CCR3: variants seen among roughly 807,000 people sequenced by gnomAD.
CCR3 encodes the protein C-C motif chemokine receptor 3.
For missense variants in CCR3, 419 were observed against 437.5 expected (o/e 0.96, Z 0.38); for synonymous variants, 203 against 179.2 (o/e 1.13, Z -1.06).
At chr3:46,240,092 G>C (rs914357051), upstream of CCR3, among the ~76,000 whole-genome samples, 2 of 152,132 alleles carry the variant, frequency 1.3e-5, no homozygotes, top group African/African-American at 4.8e-5. Flanking sequence ...TTGACCGCCT[G>C]TTGGCATGTC....
intron 2 of CCR3, among the ~76,000 whole-genome samples, chr3:46,228,413 T>C (rs1699927843): frequency 6.6e-6 from 1 of 152,204 alleles, no homozygotes; most frequent in South Asian, 2.1e-4. Context: ...ACTTTCCCTA[T>C]CTCTTAGTGC....
intron 1 of CCR3, among the ~76,000 whole-genome samples, chr3:46,263,174 C>A (rs1017426068): frequency 6.6e-6 from 1 of 152,192 alleles, no homozygotes; most frequent in Non-Finnish European, 1.5e-5. Flanking sequence ...TCAAACTGAG[C>A]AAAACTTAAG....
At chr3:46,231,777 T>C (rs1293531177) in intron 2 of CCR3, among the ~76,000 whole-genome samples, 1 of 152,202 alleles carries the variant, frequency 6.6e-6, no homozygotes, top group Admixed American at 6.5e-5. Context: ...TTTTTGTATA[T>C]TATACTTCAA....
chr3:46,221,007 A>G (rs1475027041), intron 2 of CCR3, among the ~76,000 whole-genome samples: 1 of 152,238 alleles, frequency 6.6e-6, no homozygotes, highest in African/African-American at 2.4e-5. Context: ...TTGAAATAAT[A>G]AAATAAAATG....
At chr3:46,211,264 T>C (rs1293960911) in intron 2 of CCR3, among the ~76,000 whole-genome samples, 1 of 150,138 alleles carries the variant, frequency 6.7e-6, no homozygotes, top group Non-Finnish European at 1.5e-5. Context: ...AGTAGCATGA[T>C]CATGGCTCAC....
At position 46,266,136 on chromosome 3, in the gene CCR3, A is replaced by G. The variant is rs776775747; in HGVS notation, c.978A>G (p.Arg326=). 6.2e-6 allele frequency: 10 copies of G among 1,614,086 alleles called. No individual in the cohort carries two copies. The highest frequency in any genetic ancestry group is 2.2e-5 in the East Asian group (1 of 44,870). ...GGCACTTGCTCATGCACCTGGGCAG[A>G]TACATCCCATTCCTTCCTAGTGAGA... The part of the protein sequence containing the change: ...FHRHLLMHLG[R]YIPFLPSEKL... Residue 326 remains arginine (R), a synonymous_variant, in exon 2 of 2, where the codon AGA becomes AGG. Coordinates refer to ENST00000395940, the MANE Select transcript of CCR3 (RefSeq NM_178329.3).
intron 1 of CCR3, among the ~76,000 whole-genome samples, chr3:46,243,417 T>A (rs975428213): frequency 1.3e-5 from 2 of 152,242 alleles, no homozygotes; most frequent in Admixed American, 1.3e-4. Context: ...GAAATATATA[T>A]ATTTATTTGA....
At chr3:46,234,336 G>C (rs537798086) in intron 2 of CCR3, among the ~76,000 whole-genome samples, 2 of 152,160 alleles carry the variant, frequency 1.3e-5, no homozygotes, top group South Asian at 2.1e-4. Flanking sequence ...TTTAATCAAT[G>C]GGTAGTTCAT....
intron 1 of CCR3, among the ~76,000 whole-genome samples, 176 bp from the exon 2 acceptor site, chr3:46,264,972 T>C (rs1294996379): frequency 3.3e-5 from 5 of 152,196 alleles, no homozygotes; most frequent in Non-Finnish European, 7.3e-5. Context: ...AGCTCTTTCC[T>C]TCCTCAATCC....
At chr3:46,244,070 G>T (rs917745954) in intron 1 of CCR3, among the ~76,000 whole-genome samples, 1 of 152,150 alleles carries the variant, frequency 6.6e-6, no homozygotes. Context: ...TTGACAAAAT[G>T]CATCAAGAGA....
At chr3:46,246,953 G>A (rs1017864610) in intron 1 of CCR3, among the ~76,000 whole-genome samples, 18 of 151,984 alleles carry the variant, frequency 1.2e-4, no homozygotes, top group African/African-American at 3.6e-4. Flanking sequence ...AACATTTGTC[G>A]TATAGAATGA....
intron 2 of CCR3, among the ~76,000 whole-genome samples, chr3:46,214,099 A>C (rs571591980): frequency 6.6e-6 from 1 of 152,310 alleles, no homozygotes; most frequent in African/African-American, 2.4e-5. Context: ...AAGCATCCTT[A>C]ATGCCCATCA....
chr3:46,218,853 C>T lies in CCR3; in HGVS notation c.-68+7946C>T, dbSNP rs577834924. Reference sequence around the variant, plus strand: ...ATAAGGTAATCAAAGCCGTCTATGACAACCCCACAGCTAACATTATACTGA... The same window carrying T: ...ATAAGGTAATCAAAGCCGTCTATGATAACCCCACAGCTAACATTATACTGA... On this transcript the variant is annotated intron_variant, in intron 2 of 3. Transcript: ENST00000357422. Among the ~76,000 whole-genome samples the T allele has an allele frequency of 4.0e-3, 603 of 152,226 alleles. 4 individuals are homozygous for T. Among genetic ancestry groups the T allele is most frequent in the Non-Finnish European group, 6.5e-3 (445 of 67,970 alleles).
chr3:46,246,284 T>A lies in CCR3; in HGVS notation c.-12+3746T>A, dbSNP rs111375628. On this transcript the variant is annotated intron_variant, in intron 1 of 1. Coordinates refer to ENST00000395940, the MANE Select transcript of CCR3 (RefSeq NM_178329.3). ...TGGTGGCTACTTGCTTTTATGCGTG[T>A]CCGTGTGAAGAGACCACCAAACAGG... Among the ~76,000 whole-genome samples the A allele has an allele frequency of 3.0e-3, 456 of 152,342 alleles. 3 individuals carry two copies. The highest frequency in any genetic ancestry group is 0.01 in the African/African-American group (431 of 41,576).
intron 1 of CCR3, among the ~76,000 whole-genome samples, chr3:46,255,470 T>C (rs1700403314): frequency 6.6e-6 from 1 of 152,158 alleles, no homozygotes; most frequent in Non-Finnish European, 1.5e-5. Context: ...CCTCTTTGCC[T>C]AAGCCAATGT....
At chr3:46,243,000 TATACGCACAC>T (rs1559531062) in intron 1 of CCR3, among the ~76,000 whole-genome samples, 3 of 106,792 alleles carry the variant, frequency 2.8e-5, no homozygotes, top group African/African-American at 4.8e-5. Flanking sequence ...TATATATATA[TATACGCACAC>T]ACACATACAT....
rs760401876 is a variant in CCR3 at position 46,265,313 on chromosome 3, A to G, written c.155A>G (p.Asn52Ser). 1.9e-6 allele frequency: 3 copies of G among 1,614,042 alleles called. No individual in the cohort carries two copies. The East Asian group carries it at 6.7e-5, about 36-fold the overall frequency. Residue 52 changes from asparagine (N) to serine (S), a missense_variant, in exon 2 of 2, where the codon AAT becomes AGT. Coordinates refer to ENST00000395940, the MANE Select transcript of CCR3 (RefSeq NM_178329.3). ...GTGTTCACTGTGGGCCTCTTGGGCA[A>G]TGTGGTGGTGGTGATGATCCTCATA... ...SLVFTVGLLG[N>S]VVVVMILIKY... is the part of the protein sequence containing the mutation.
At chr3:46,229,461 G>A (rs776253391) in intron 2 of CCR3, among the ~76,000 whole-genome samples, 2 of 152,216 alleles carry the variant, frequency 1.3e-5, no homozygotes, top group Non-Finnish European at 2.9e-5. Flanking sequence ...AACCTAAAAT[G>A]TATAGCATTG....
upstream of CCR3, among the ~76,000 whole-genome samples, chr3:46,241,029 A>G (rs1700076085): frequency 2.0e-5 from 3 of 152,188 alleles, no homozygotes. Context: ...ATATTTTATC[A>G]GGTCTCTGTT....
Sources: gnomAD v4.1 joint callset for allele counts (sites outside exome capture counted in the v4.1 genomes callset) on GRCh38, gnomAD v4.1.1 for gene constraint, MANE v1.5 for transcripts, NCBI Gene and HGNC (gene_info 2026-07-23, HGNC 2026-07-21) for gene names.